SEM1: variants seen among roughly 807,000 people sequenced by gnomAD.
SEM1 encodes the protein 26S proteasome complex subunit SEM1.
Under a neutral mutation model 12.7 loss-of-function variants are expected in SEM1, and 3 were observed. The observed-to-expected ratio is 0.24, with a 90% CI of 0.11 to 0.61. The LOEUF is 0.61. SEM1 is among the 20% of genes least tolerant of loss of function. The probability of loss-of-function intolerance (pLI) is 0.88; values close to 1 mark genes in which losing one functional copy is unlikely to be tolerated. For missense variants in SEM1, 59 were observed against 81.3 expected (o/e 0.73, Z 1.06); for synonymous variants, 30 against 27.8 (o/e 1.08, Z -0.25).
At chr7:96,587,241 A>G (rs1254177197) in intron 2 of SEM1, among the ~76,000 whole-genome samples, 2 of 152,208 alleles carry the variant, frequency 1.3e-5, no homozygotes, top group African/African-American at 4.8e-5. Context: ...TAGTATTTGT[A>G]TTTCTCAAGT....
chr7:96,597,265 C>G (rs369313673), intron 2 of SEM1, among the ~76,000 whole-genome samples: 2 of 152,122 alleles, frequency 1.3e-5, no homozygotes, highest in African/African-American at 4.8e-5. Flanking sequence ...ATCTAAAACA[C>G]TCAGGAGCAT....
Position 96,709,830 on chromosome 7 carries a change from G to T in SEM1, c.-67C>A, listed in dbSNP as rs1790597094. 2 of 1,479,768 alleles carry T rather than the reference G, an allele frequency of 1.4e-6. No homozygotes were observed. The highest frequency in any genetic ancestry group is 1.9e-6 in the Non-Finnish European group (2 of 1,060,908). 91.7% of individuals were successfully genotyped at this position (1,479,768 alleles called of 1,614,324 possible). A position where few individuals can be genotyped will look rare whatever the true frequency, so the allele number is the denominator to read the frequency against. On this transcript the variant is annotated 5_prime_UTR_variant, in exon 1 of 3. Transcript: ENST00000248566. The stretch of plus-strand genomic sequence containing the variant: ...GTTGGAACCCTCACTCTTCCTCAAG[G>T]AAACGCCACCGTCACTACCGCCTCC...
chr7:96,678,746 TGA>T (rs910240689), intron 2 of SEM1, among the ~76,000 whole-genome samples: 14 of 152,162 alleles, frequency 9.2e-5, no homozygotes, highest in African/African-American at 2.9e-4. Context: ...AGTTTTAAAA[TGA>T]GATATCAAGT....
chr7:96,497,020 C>CACACACACACACTCTGTCAT (rs1257272190), upstream of SEM1, among the ~76,000 whole-genome samples: 1 of 152,018 alleles, frequency 6.6e-6, no homozygotes, highest in Non-Finnish European at 1.5e-5. Context: ...CACACACACA[C>CACACACACACACTCTGTCAT]ACACACACAC....
At chr7:96,482,474 A>G (rs1802580081) in exon 4 of SEM1, 1 of 152,196 alleles carries the variant, frequency 6.6e-6, no homozygotes, top group South Asian at 2.1e-4. Flanking sequence ...ACATTTTGGA[A>G]TATTTCCTTC....
intron 2 of SEM1, among the ~76,000 whole-genome samples, chr7:96,553,126 T>C (rs969189946): frequency 6.6e-6 from 1 of 152,128 alleles, no homozygotes; most frequent in Non-Finnish European, 1.5e-5. Context: ...TGCGAAAATT[T>C]TCTCCTATTT....
At chr7:96,561,977 TACAA>T (rs1805702155) in intron 2 of SEM1, among the ~76,000 whole-genome samples, 1 of 152,228 alleles carries the variant, frequency 6.6e-6, no homozygotes, top group Admixed American at 6.5e-5. Context: ...GGTTTCTTTT[TACAA>T]CTGTAGCACA....
At chr7:96,605,152 C>T (rs917215745) in intron 2 of SEM1, among the ~76,000 whole-genome samples, 9 of 152,110 alleles carry the variant, frequency 5.9e-5, no homozygotes, top group African/African-American at 1.9e-4. Flanking sequence ...CTTCTAAACT[C>T]TTGCTTTTCC....
intron 2 of SEM1, among the ~76,000 whole-genome samples, chr7:96,615,238 C>CTTTTTTTTTTTTTTTT (rs1807672872): frequency 3.3e-5 from 1 of 30,466 alleles, no homozygotes; most frequent in African/African-American, 8.6e-5. Flanking sequence ...TTTTTTGAGT[C>CTTTTTTTTTTTTTTTT]ATCTTTTTTT....
chr7:96,533,764 G>T (rs186090501), intron 2 of SEM1, among the ~76,000 whole-genome samples: 4 of 152,122 alleles, frequency 2.6e-5, no homozygotes, highest in Admixed American at 2.6e-4. Flanking sequence ...GGTATTATCT[G>T]CCTTTTTCAT....
At chr7:96,655,524 G>A (rs959456140) in intron 2 of SEM1, among the ~76,000 whole-genome samples, 5 of 147,894 alleles carry the variant, frequency 3.4e-5, no homozygotes, top group South Asian at 4.3e-4. Context: ...CTCGTGTTCC[G>A]CCTGCCTAGG....
downstream of SEM1, chr7:96,622,308 A>C (rs1439241980): frequency 2.6e-6 from 1 of 388,756 alleles, no homozygotes; most frequent in African/African-American, 2.0e-5. Context: ...AGTTCAATAA[A>C]TGCTTGAAGC....
At chr7:96,700,561 G>A (rs931917486) in intron 1 of SEM1, among the ~76,000 whole-genome samples, 2 of 151,940 alleles carry the variant, frequency 1.3e-5, no homozygotes, top group Non-Finnish European at 2.9e-5. Context: ...GTGTATAAAT[G>A]GACCCTCACA....
chr7:96,537,049 T>C (rs1804806364), intron 2 of SEM1, among the ~76,000 whole-genome samples: 1 of 151,800 alleles, frequency 6.6e-6, no homozygotes, highest in Non-Finnish European at 1.5e-5. Flanking sequence ...TCCATTCTGT[T>C]TCAAATATTA....
downstream of SEM1, among the ~76,000 whole-genome samples, chr7:96,619,545 G>A (rs2116274530): frequency 6.6e-6 from 1 of 152,168 alleles, no homozygotes; most frequent in South Asian, 2.1e-4. Flanking sequence ...CCATGTTACT[G>A]GATTCTAGAG....
intron 2 of SEM1, among the ~76,000 whole-genome samples, chr7:96,524,931 T>C (rs912568929): frequency 6.6e-6 from 1 of 152,168 alleles, no homozygotes; most frequent in Admixed American, 6.6e-5. Flanking sequence ...TCCATATCCA[T>C]TTCAATTAAT....
chr7:96,574,762 A>G (rs1698685547), intron 2 of SEM1, among the ~76,000 whole-genome samples: 1 of 151,928 alleles, frequency 6.6e-6, no homozygotes, highest in Admixed American at 6.6e-5. Flanking sequence ...CCAGCTATTG[A>G]TATTTATGTA....
chr7:96,552,245 G>A (rs1008106329), intron 2 of SEM1, among the ~76,000 whole-genome samples: 1 of 151,922 alleles, frequency 6.6e-6, no homozygotes, highest in African/African-American at 2.4e-5. Flanking sequence ...CATTGTGCAG[G>A]TTAGTTACAT....
At chr7:96,618,325 C>T (rs1434714564), downstream of SEM1, among the ~76,000 whole-genome samples, 6 of 152,092 alleles carry the variant, frequency 3.9e-5, no homozygotes, top group East Asian at 1.2e-3. Context: ...TCTTAAAATT[C>T]GTTTTTTCAC....
Sources: allele counts gnomAD v4.1 joint callset (sites outside exome capture counted in the v4.1 genomes callset), GRCh38; gene constraint gnomAD v4.1.1; transcripts MANE v1.5; gene names NCBI Gene and HGNC (gene_info 2026-07-23, HGNC 2026-07-21).